The following C11orf65 variants were observed in gnomAD, a reference collection of about 807,000 sequenced individuals.
The protein encoded by C11orf65 is chromosome 11 open reading frame 65, also known as protein MFI.
C11orf65 carries 38 observed loss-of-function variants against 35.3 expected under a neutral mutation model. The observed-to-expected ratio is 1.08, with a 90% CI of 0.83 to 1.41. C11orf65 has a LOEUF of 1.41. Ranked by LOEUF, C11orf65 falls within the 40% of genes most tolerant of loss-of-function variation. The pLI is 0.00. For missense variants in C11orf65, 370 were observed against 367.1 expected, an observed-to-expected ratio of 1.01 and a Z score of -0.06; for synonymous variants, 105 against 114.4, an observed-to-expected ratio of 0.92 and a Z score of 0.53.
At chr11:108,350,062 A>C (rs76566963) in intron 2 of C11orf65, among the ~76,000 whole-genome samples, 8,743 of 152,182 alleles carry the variant, frequency 0.057, 830 homozygotes, top group African/African-American at 0.2. Flanking sequence ...TAAAAGAACA[A>C]ATAAAATTCT....
chr11:108,335,990 C>T (rs1165432894), intron 2 of C11orf65: 2 of 1,524,830 alleles, frequency 1.3e-6, no homozygotes, highest in Non-Finnish European at 1.8e-6. Flanking sequence ...GTTAGTTCAC[C>T]AAAAACATAT....
chr11:108,403,201 C>T (rs924713433), intron 6 of C11orf65, among the ~76,000 whole-genome samples: 3 of 152,112 alleles, frequency 2.0e-5, no homozygotes, highest in South Asian at 2.1e-4. Context: ...TGCATTTGCT[C>T]CATATCCTTG....
chr11:108,455,622 A>G (rs929289725), intron 2 of C11orf65, among the ~76,000 whole-genome samples: 1 of 151,428 alleles, frequency 6.6e-6, no homozygotes, highest in Non-Finnish European at 1.5e-5. Context: ...TCGAGACCAG[A>G]CTGACCAACA....
intron 2 of C11orf65, among the ~76,000 whole-genome samples, chr11:108,362,748 A>G (rs1161036914): frequency 7.2e-6 from 1 of 138,398 alleles, no homozygotes; most frequent in Non-Finnish European, 1.5e-5. Flanking sequence ...GAATTGAACA[A>G]TGAGAACACA....
chr11:108,309,235 AC>A (rs547471033), intron 6 of C11orf65, among the ~76,000 whole-genome samples: 1 of 152,222 alleles, frequency 6.6e-6, no homozygotes, highest in Non-Finnish European at 1.5e-5. Flanking sequence ...CTGTCTTTGA[AC>A]CTCAGTCTTA....
chr11:108,330,137 G>A (rs904803355), downstream of C11orf65: 5 of 1,483,778 alleles, frequency 3.4e-6, no homozygotes, highest in African/African-American at 4.2e-5. Context: ...TTCATTAAAT[G>A]TTGTATATCA....
At chr11:108,424,888 C>G (rs115284986) in intron 3 of C11orf65, among the ~76,000 whole-genome samples, 1 of 152,166 alleles carries the variant, frequency 6.6e-6, no homozygotes, top group South Asian at 2.1e-4. Context: ...AACCTTAACA[C>G]CTGCTCCTGA....
intron 2 of C11orf65, among the ~76,000 whole-genome samples, chr11:108,359,844 G>T (rs999980871): frequency 3.9e-5 from 6 of 152,004 alleles, no homozygotes; most frequent in African/African-American, 1.5e-4. Flanking sequence ...AGAGAAAGCA[G>T]GAAAGATCCA....
intron 6 of C11orf65, chr11:108,321,505 G>A (rs559704371): frequency 3.0e-5 from 48 of 1,582,142 alleles, no homozygotes; most frequent in African/African-American, 2.3e-4. Context: ...ACTATAGGCC[G>A]GGCACGGTGG....
At chr11:108,337,757 T>C (rs2136757346) in intron 2 of C11orf65, among the ~76,000 whole-genome samples, 1 of 152,342 alleles carries the variant, frequency 6.6e-6, no homozygotes, top group African/African-American at 2.4e-5. Context: ...GTAATGTGAA[T>C]GAAAGGAAAT....
upstream of C11orf65, among the ~76,000 whole-genome samples, chr11:108,469,571 T>C (rs2093564436): frequency 6.6e-6 from 1 of 151,936 alleles, no homozygotes; most frequent in African/African-American, 2.4e-5. Flanking sequence ...ATTTTTAATG[T>C]AGTGCTTATC....
Position 108,393,276 on chromosome 11 carries a change from C to G in C11orf65, c.663G>C (p.Gly221=), listed in dbSNP as rs200208296. Residue 221 remains glycine, a synonymous_variant, in exon 7 of 9, where the codon GGG becomes GGC. Coordinates refer to ENST00000393084, the MANE Select transcript of C11orf65 (RefSeq NM_152587.5). The stretch of plus-strand genomic sequence containing the variant: ...CTTCCCATTCCATCACAGAATCTAT[C>G]CCCCCATCTTCAAAAGCTCTAATCA... ...KGLIRAFEDG[G]IDSVMEWEVD... 5 of 1,613,896 alleles carry G rather than the reference C, an allele frequency of 3.1e-6. No homozygotes were observed. The highest frequency in any genetic ancestry group is 4.2e-6 in the Non-Finnish European group (5 of 1,179,958).
chr11:108,429,479 C>T (rs924949887), intron 3 of C11orf65, among the ~76,000 whole-genome samples: 1 of 152,082 alleles, frequency 6.6e-6, no homozygotes, highest in East Asian at 1.9e-4. Context: ...AAAAAAGATG[C>T]AAGTAACAGA....
intron 2 of C11orf65, among the ~76,000 whole-genome samples, chr11:108,437,707 T>TAAAAAAAAAAAAAAAAAA (rs145337876): frequency 2.6e-5 from 1 of 38,032 alleles, no homozygotes; most frequent in Non-Finnish European, 4.3e-5. Context: ...GACTCAGTCT[T>TAAAAAAAAAAAAAAAAAA]AAAAAAAAAA....
intron 2 of C11orf65, among the ~76,000 whole-genome samples, chr11:108,372,020 T>A (rs1347557838): frequency 6.6e-6 from 1 of 152,248 alleles, no homozygotes; most frequent in African/African-American, 2.4e-5. Flanking sequence ...AAAAATGTCC[T>A]TCAATTGACG....
chr11:108,322,473 G>T (rs76701013), intron 6 of C11orf65, among the ~76,000 whole-genome samples: 16 of 152,126 alleles, frequency 1.1e-4, no homozygotes, highest in African/African-American at 3.9e-4. Flanking sequence ...TTCTCTTCTG[G>T]TGACTGATAA....
rs533938093 is a variant in C11orf65, at chr11:108,443,005, C to T, written c.82-11167G>A. On this transcript the variant is annotated intron_variant, in intron 2 of 8. Transcript: ENST00000393084. ...AATGTAAATGGGCTAAATGCTCCAA[C>T]TAAAAGACACAGACTGGCAAATTGG... 5.9e-3 allele frequency among the ~76,000 whole-genome samples: 904 copies of T among 152,278 alleles called. 10 individuals carry two copies. The highest frequency in any genetic ancestry group is 0.018 in the African/African-American group (735 of 41,566).
chr11:108,380,436 C>G (rs751787014), downstream of C11orf65, among the ~76,000 whole-genome samples: 18 of 152,210 alleles, frequency 1.2e-4, no homozygotes, highest in Non-Finnish European at 2.2e-4. Context: ...AATGTCATAA[C>G]AATTGACTTA....
rs141684493 is a variant in C11orf65 at position 108,412,326 on chromosome 11, G to A, written c.175-5177C>T. 4.8e-3 allele frequency among the ~76,000 whole-genome samples: 727 copies of A among 151,710 alleles called. 5 individuals carry two copies. The highest frequency in any genetic ancestry group is 0.014 in the Middle Eastern group (4 of 294). On this transcript the variant is annotated intron_variant, in intron 3 of 8. Transcript: ENST00000393084. ...GAATACAGAGAAAAAAAAAACAATGGCAACAAACAGGAAACAATTACAAAT... is the reference window on the plus strand; with the variant it reads ...GAATACAGAGAAAAAAAAAACAATGACAACAAACAGGAAACAATTACAAAT...
Sources: gnomAD v4.1 joint callset for allele counts (sites outside exome capture counted in the v4.1 genomes callset) on GRCh38, gnomAD v4.1.1 for gene constraint, MANE v1.5 for transcripts, NCBI Gene and HGNC (gene_info 2026-07-23, HGNC 2026-07-21) for gene names.